The following PRMT3 variants were observed in gnomAD, a reference collection of about 807,000 sequenced individuals.
The protein encoded by PRMT3 is protein arginine methyltransferase 3.
PRMT3 carries 62 observed loss-of-function variants against 71.9 expected under a neutral mutation model. The ratio of observed to expected loss-of-function variants is 0.86; its 90% CI spans 0.70 to 1.07. The LOEUF (loss-of-function observed/expected upper bound fraction) is 1.07. Ranked by LOEUF, PRMT3 falls within the 50% of genes least tolerant of loss-of-function variation. The probability of loss-of-function intolerance (pLI) is 0.00; values close to 1 mark genes in which losing one functional copy is unlikely to be tolerated. For missense variants in PRMT3, 663 were observed against 643.0 expected (o/e 1.03, Z -0.34); for synonymous variants, 213 against 220.4 (o/e 0.97, Z 0.30).
At chr11:20,424,631 A>G (rs1251870310) in intron 9 of PRMT3, among the ~76,000 whole-genome samples, 2 of 152,236 alleles carry the variant, frequency 1.3e-5, no homozygotes, top group Non-Finnish European at 2.9e-5. Flanking sequence ...TTCCTTAGAT[A>G]TGTCACCAAA....
At chr11:20,480,040 GA>G (rs139157565) in intron 13 of PRMT3, among the ~76,000 whole-genome samples, 2,050 of 152,234 alleles carry the variant, frequency 0.013, 24 homozygotes, top group Middle Eastern at 0.034. Flanking sequence ...AAAAAGGGGG[GA>G]AAGGCTGGGC....
chr11:20,456,580 G>A (rs904352208), intron 11 of PRMT3, among the ~76,000 whole-genome samples: 1 of 152,076 alleles, frequency 6.6e-6, no homozygotes, highest in Non-Finnish European at 1.5e-5. Flanking sequence ...GTAACATACT[G>A]TCTTAATTAC....
intron 7 of PRMT3, among the ~76,000 whole-genome samples, chr11:20,398,296 T>G (rs1248819559): frequency 6.6e-6 from 1 of 152,192 alleles, no homozygotes; most frequent in African/African-American, 2.4e-5. Flanking sequence ...ATTATAAATC[T>G]CACAATTTTT....
At chr11:20,463,724 A>G (rs1244510772) in intron 12 of PRMT3, among the ~76,000 whole-genome samples, 2 of 152,194 alleles carry the variant, frequency 1.3e-5, no homozygotes, top group African/African-American at 2.4e-5. Flanking sequence ...TCACTGGGTT[A>G]TGATCTACTC....
chr11:20,446,457 A>G (rs1850032084), intron 10 of PRMT3, among the ~76,000 whole-genome samples: 1 of 151,612 alleles, frequency 6.6e-6, no homozygotes, highest in Non-Finnish European at 1.5e-5. Flanking sequence ...CTGTGACTTC[A>G]TTGTTTTTAT....
chr11:20,406,664 A>G (rs1849078147), intron 8 of PRMT3: 1 of 152,242 alleles, frequency 6.6e-6, no homozygotes, highest in African/African-American at 2.4e-5. Flanking sequence ...GTATATACCC[A>G]GAAATGAAAT....
intron 13 of PRMT3, among the ~76,000 whole-genome samples, chr11:20,468,122 C>G (rs1328946254): frequency 2.6e-5 from 4 of 151,968 alleles, no homozygotes; most frequent in Non-Finnish European, 4.4e-5. Flanking sequence ...TTTGAAAAAG[C>G]CTAGTAAAGG....
chr11:20,478,472 A>G (rs2133428844), intron 13 of PRMT3, among the ~76,000 whole-genome samples: 1 of 152,116 alleles, frequency 6.6e-6, no homozygotes, highest in South Asian at 2.1e-4. Flanking sequence ...TGAAGGCTGC[A>G]GCAAGCAATG....
At chr11:20,497,798 G>A (rs754078623) in intron 15 of PRMT3, among the ~76,000 whole-genome samples, 2 of 152,156 alleles carry the variant, frequency 1.3e-5, no homozygotes, top group Non-Finnish European at 2.9e-5. Flanking sequence ...CTAGCTTAAG[G>A]CTGTCTAGAT....
Position 20,428,995 on chromosome 11 carries a change from T to G in PRMT3, c.993+2130T>G, listed in dbSNP as rs1156410592. Among the ~76,000 whole-genome samples, 6 of 152,224 alleles carry G rather than the reference T, an allele frequency of 3.9e-5. No homozygotes were observed. The South Asian group carries it at 1.2e-3, about 32-fold the overall frequency. ...ACTTGTGGGCATTGTCAAGTCTGGT[T>G]GTCTCACTCTCTTGATGACTGCTCA... On this transcript the variant is annotated intron_variant, in intron 10 of 15. Coordinates refer to ENST00000331079, the MANE Select transcript of PRMT3 (RefSeq NM_005788.4).
intron 10 of PRMT3, among the ~76,000 whole-genome samples, chr11:20,429,024 C>T (rs1359507591): frequency 1.3e-5 from 2 of 152,188 alleles, no homozygotes; most frequent in Non-Finnish European, 2.9e-5. Flanking sequence ...CTGCTCATAT[C>T]TTTTATCCTC....
At chr11:20,507,843 A>G (rs1359108649) in intron 15 of PRMT3, among the ~76,000 whole-genome samples, 4 of 151,146 alleles carry the variant, frequency 2.6e-5, no homozygotes, top group African/African-American at 9.7e-5. Context: ...ACAATGGCTC[A>G]TTCCTGTATT....
intron 9 of PRMT3, among the ~76,000 whole-genome samples, chr11:20,424,235 A>G (rs946634127): frequency 2.1e-5 from 3 of 139,914 alleles, no homozygotes; most frequent in South Asian, 2.4e-4. Context: ...AAGAATAGCC[A>G]GAAGGATTTT....
chr11:20,398,964 T>C (rs866031577), intron 7 of PRMT3, among the ~76,000 whole-genome samples: 5 of 152,240 alleles, frequency 3.3e-5, no homozygotes, highest in African/African-American at 1.2e-4. Context: ...CCATATAAAA[T>C]AGAAGTTGAT....
intron 13 of PRMT3, among the ~76,000 whole-genome samples, chr11:20,491,694 C>G (rs1449613970): frequency 6.6e-6 from 1 of 152,084 alleles, no homozygotes; most frequent in Non-Finnish European, 1.5e-5. Context: ...TTTTTCCATG[C>G]ATGTTTTATC....
At chr11:20,473,943 T>C (rs1850715315) in intron 13 of PRMT3, among the ~76,000 whole-genome samples, 1 of 152,086 alleles carries the variant, frequency 6.6e-6, no homozygotes, top group African/African-American at 2.4e-5. Context: ...TTTCGGTTTT[T>C]AACAGTAGGT....
In PRMT3 at chr11:20,508,720, AAG is replaced by A. The variant is rs1851658576; in HGVS notation, c.*313_*314del. 5.0e-6 allele frequency: 2 copies of A among 398,272 alleles called. No individual in the cohort carries two copies. The highest frequency in any genetic ancestry group is 3.3e-5 in the Admixed American group (1 of 30,732). The allele number at this position is 398,272 out of a possible 1,614,324, so 24.7% of individuals were successfully genotyped here. Reference sequence around the variant, plus strand: ...ATCATTTACATTGGCCTATATTTGGAAGAGAGATAGTCTTTTGTTTTTAATAA... The same window carrying A: ...ATCATTTACATTGGCCTATATTTGGAAGAGATAGTCTTTTGTTTTTAATAA... On this transcript the variant is annotated 3_prime_UTR_variant, in exon 16 of 16. Coordinates refer to ENST00000331079, the MANE Select transcript of PRMT3 (RefSeq NM_005788.4).
At chr11:20,390,315 G>A (rs969807665) in intron 3 of PRMT3, among the ~76,000 whole-genome samples, 1 of 152,142 alleles carries the variant, frequency 6.6e-6, no homozygotes, top group South Asian at 2.1e-4. Flanking sequence ...TTCTAGACAA[G>A]ATTCACTGTA....
chr11:20,469,039 A>G (rs575222215), intron 13 of PRMT3, among the ~76,000 whole-genome samples: 3 of 152,330 alleles, frequency 2.0e-5, no homozygotes, highest in South Asian at 2.1e-4. Flanking sequence ...TAATTTTTCA[A>G]TGAGTACTGG....
Sources: gnomAD v4.1 joint callset for allele counts (sites outside exome capture counted in the v4.1 genomes callset) on GRCh38, gnomAD v4.1.1 for gene constraint, MANE v1.5 for transcripts, NCBI Gene and HGNC (gene_info 2026-07-23, HGNC 2026-07-21) for gene names.